COL27A1: variants seen among roughly 807,000 people sequenced by gnomAD.
The protein encoded by COL27A1 is collagen alpha-1(XXVII) chain.
Under a neutral mutation model 251.3 loss-of-function variants are expected in COL27A1, and 106 were observed. That is an observed-to-expected ratio of 0.42 (90% CI 0.36 to 0.50). The LOEUF (loss-of-function observed/expected upper bound fraction) is 0.50, where lower values mean the gene tolerates loss of function less well. Among genes scored for constraint, COL27A1 ranks in the 20% least tolerant of loss-of-function variants. The probability of loss-of-function intolerance (pLI) is 0.00; values close to 1 mark genes in which losing one functional copy is unlikely to be tolerated. For synonymous variants in COL27A1, 1,000 were observed against 986.3 expected (o/e 1.01, Z -0.26); for missense variants, 2,325 against 2,522.8 (o/e 0.92, Z 1.68).
At chr9:114,240,343 G>C (rs1478321335) in intron 20 of COL27A1, 70 bp downstream of exon 20, 1 of 1,583,252 alleles carries the variant, frequency 6.3e-7, no homozygotes, top group East Asian at 2.2e-5. Context: ...GGGGCTGGCT[G>C]CCTGGCTTGG....
chr9:114,295,461 A>C (rs1012355187), intron 49 of COL27A1, among the ~76,000 whole-genome samples: 2 of 152,226 alleles, frequency 1.3e-5, no homozygotes, highest in African/African-American at 4.8e-5. Flanking sequence ...ATGAAATATA[A>C]AGGACTTAGA....
chr9:114,232,011 C>T, intron 16 of COL27A1, 145 bp downstream of exon 16: 1 of 788,738 alleles, frequency 1.3e-6, no homozygotes, highest in East Asian at 2.5e-5. Context: ...TCTGTGCTCC[C>T]TAGCTTCTTC....
chr9:114,186,773 G>A (rs979960157), intron 5 of COL27A1, among the ~76,000 whole-genome samples: 4 of 152,230 alleles, frequency 2.6e-5, no homozygotes, highest in African/African-American at 9.6e-5. Context: ...ACGCCATTTA[G>A]GCCATTTGAG....
chr9:114,306,395 T>C (rs1419488672), intron 57 of COL27A1, 125 bp from the exon 58 acceptor site: 5 of 903,500 alleles, frequency 5.5e-6, no homozygotes, highest in Middle Eastern at 3.1e-4. Context: ...ACCCAACCCG[T>C]GCTCTAGCCA....
Position 114,196,372 on chromosome 9 carries a change from A to T in COL27A1, c.2124+360A>T, listed in dbSNP as rs141820762. Among the ~76,000 whole-genome samples, 1,344 of 152,282 alleles carry T rather than the reference A, an allele frequency of 8.8e-3. 23 individuals are homozygous for T. Among genetic ancestry groups the T allele is most frequent in the African/African-American group, 0.029 (1,200 of 41,558 alleles). ...CTGGCTCCACCACCCACTGTCTGAG[A>T]GGCCGTGGGCCTGCGAGTCCTGTCT... On this transcript the variant is annotated intron_variant, in intron 7 of 60. Transcript: ENST00000356083.
chr9:114,282,540 G>A lies in COL27A1; in HGVS notation c.3855G>A (p.Gly1285=). Residue 1285 remains glycine (G), a synonymous_variant, in exon 39 of 61, where the codon GGG becomes GGA. Coordinates refer to ENST00000356083, the MANE Select transcript of COL27A1 (RefSeq NM_032888.4). ...PGPPGTPGPK[G]SRGSLGPTGA... is the part of the protein sequence containing the mutation. ...CCCCTGGCACTCCAGGCCCTAAAGG[G>A]TCCCGGGGCAGCCTGGGACCAACGG... is the stretch of plus-strand genomic sequence containing the variant. The A allele has an allele frequency of 6.5e-7, 1 of 1,538,366 alleles. No homozygotes were observed. Among genetic ancestry groups the A allele is most frequent in the Non-Finnish European group, 8.7e-7 (1 of 1,146,290 alleles).
chr9:114,269,998 G>A (rs1588836017), intron 35 of COL27A1, among the ~76,000 whole-genome samples: 1 of 152,200 alleles, frequency 6.6e-6, no homozygotes, highest in East Asian at 1.9e-4. Context: ...AGAGCTGGAA[G>A]GGCAAGCCTG....
intron 22 of COL27A1, 84 bp from the exon 23 acceptor site, chr9:114,243,423 C>G (rs527493341): frequency 8.9e-7 from 1 of 1,117,552 alleles, no homozygotes; most frequent in Non-Finnish European, 1.4e-6. Context: ...CTGTGGATAC[C>G]CTGTGCCAGG....
intron 13 of COL27A1, among the ~76,000 whole-genome samples, chr9:114,220,200 C>T (rs1328187964): frequency 1.3e-5 from 2 of 152,190 alleles, no homozygotes; most frequent in Non-Finnish European, 2.9e-5. Flanking sequence ...CCGGCAGAGG[C>T]ATGGGGAAGC....
chr9:114,236,476 G>C (rs1832409569), intron 17 of COL27A1, among the ~76,000 whole-genome samples: 1 of 152,190 alleles, frequency 6.6e-6, no homozygotes, highest in Non-Finnish European at 1.5e-5. Context: ...CCAGCTGTGG[G>C]CCTGCTGAGA....
Position 114,231,092 on chromosome 9 carries a change from T to G in COL27A1, c.2480T>G (p.Val827Gly). The G allele has an allele frequency of 6.2e-7, 1 of 1,612,788 alleles. No homozygotes were observed. Among genetic ancestry groups the G allele is most frequent in the Non-Finnish European group, 8.5e-7 (1 of 1,179,424 alleles). Residue 827 changes from valine (V) to glycine (G), a missense_variant, in exon 15 of 61, where the codon GTG becomes GGG. By Grantham distance (109) the Val-to-Gly change is moderately radical. Around this residue, in one of 4 missense-constraint regions of COL27A1, gnomAD observed 1,183 missense variants for 1,144.1 expected, o/e 1.03. Transcript: ENST00000356083. ...CTCTCCCCACAGGGTGACTTAGGAGTGTTGGGTCCGATTGGCTACCCGGGA... is the reference window on the plus strand; with the variant it reads ...CTCTCCCCACAGGGTGACTTAGGAGGGTTGGGTCCGATTGGCTACCCGGGA... ...GVPGLIGDLG[V>G]LGPIGYPGPK...
chr9:114,283,746 G>T lies in COL27A1; in HGVS notation c.3917G>T (p.Gly1306Val). Reference protein sequence around the residue: ...PGRMGAQGEPGLAGYDGHKGI... With the variant: ...PGRMGAQGEPVLAGYDGHKGI... ...CGCATGGGGGCCCAAGGAGAACCGG[G>T]ACTGGCTGGTTATGATGTAAGCAGA... The change falls in exon 40 of 61, where the codon GGA becomes GTA. Residue 1306 changes from glycine (G) to valine (V), a missense_variant. By Grantham distance (109) the Gly-to-Val change is moderately radical. Around this residue, in one of 4 missense-constraint regions of COL27A1, gnomAD observed 662 missense variants for 795.3 expected, o/e 0.83. Transcript: ENST00000356083. 6.2e-7 allele frequency: 1 copy of T among 1,614,120 alleles called. No homozygotes were observed.
intron 24 of COL27A1, among the ~76,000 whole-genome samples, chr9:114,247,682 G>C (rs887624993): frequency 3.3e-5 from 5 of 152,196 alleles, no homozygotes; most frequent in Non-Finnish European, 5.9e-5. Flanking sequence ...CGGGAAGGAG[G>C]CAGAGCTGGA....
rs2131661060 is a variant in COL27A1 at position 114,300,618 on chromosome 9, C to T, written c.4639-7C>T. Reference sequence around the variant, plus strand: ...AGTACAGACAGCCCTTTCTCTGCCTCCCACAGGGCCCGCCTGGAGACATTG... The same window carrying T: ...AGTACAGACAGCCCTTTCTCTGCCTTCCACAGGGCCCGCCTGGAGACATTG... On this transcript the variant is annotated splice_region_variant and splice_polypyrimidine_tract_variant and intron_variant, in intron 50 of 60. Coordinates refer to ENST00000356083, the MANE Select transcript of COL27A1 (RefSeq NM_032888.4). 4 of 1,535,290 alleles carry T rather than the reference C, an allele frequency of 2.6e-6. No individual in the cohort carries two copies. Among genetic ancestry groups the T allele is most frequent in the Middle Eastern group, 1.7e-4 (1 of 5,728 alleles).
At chr9:114,302,977 C>G (rs1161672131) in intron 56 of COL27A1, among the ~76,000 whole-genome samples, 1 of 152,152 alleles carries the variant, frequency 6.6e-6, no homozygotes, top group Non-Finnish European at 1.5e-5. Context: ...CATTCAGAAC[C>G]TCTGCTCTCC....
intron 14 of COL27A1, among the ~76,000 whole-genome samples, chr9:114,230,711 T>C (rs1831884656): frequency 6.6e-6 from 1 of 152,106 alleles, no homozygotes; most frequent in Non-Finnish European, 1.5e-5. Flanking sequence ...ATTTAACTCT[T>C]ACAGCAGCTC....
chr9:114,166,869 C>G (rs1654636708), intron 2 of COL27A1, among the ~76,000 whole-genome samples: 1 of 152,180 alleles, frequency 6.6e-6, no homozygotes, highest in Admixed American at 6.5e-5. Flanking sequence ...ATACGCTTTG[C>G]CAGGGGACAG....
In COL27A1 at chr9:114,192,992, C is replaced by A. The variant is rs545269785; in HGVS notation, c.2017-1412C>A. 1.6e-3 allele frequency among the ~76,000 whole-genome samples: 245 copies of A among 152,134 alleles called. 3 individuals carry two copies. Among genetic ancestry groups the A allele is most frequent in the Non-Finnish European group, 2.1e-3 (146 of 68,014 alleles). ...GCTCCTTGCCTGGAAACCTGGGAAG[C>A]TGGCGTGTGTTTGTGTGTGTGTGCA... On this transcript the variant is annotated intron_variant, in intron 5 of 60. Coordinates refer to ENST00000356083, the MANE Select transcript of COL27A1 (RefSeq NM_032888.4).
intron 37 of COL27A1, among the ~76,000 whole-genome samples, chr9:114,280,219 T>C (rs536557468): frequency 1.5e-4 from 23 of 152,236 alleles, no homozygotes; most frequent in African/African-American, 5.3e-4. Context: ...ATTTTTTTTT[T>C]TTTTTCTTTT....
Sources: gnomAD v4.1 joint callset for allele counts (sites outside exome capture counted in the v4.1 genomes callset) on GRCh38, gnomAD v4.1.1 for gene constraint, gnomAD v4.1.1 regional missense constraint, MANE v1.5 for transcripts, NCBI Gene and HGNC (gene_info 2026-07-23, HGNC 2026-07-21) for gene names.